The following ATXN1 variants were observed in gnomAD, a reference collection of about 807,000 sequenced individuals.
ATXN1 encodes the protein ataxin-1.
ATXN1 carries 8 observed loss-of-function variants against 56.4 expected under a neutral mutation model. The ratio of observed to expected loss-of-function variants is 0.14; its 90% CI spans 0.08 to 0.26. The LOEUF (loss-of-function observed/expected upper bound fraction) is 0.26, where lower values mean the gene tolerates loss of function less well. Ranked by LOEUF, ATXN1 falls within the 10% of genes least tolerant of loss-of-function variation. ATXN1 has a pLI of 1.00. For synonymous variants in ATXN1, 514 were observed against 494.6 expected, an observed-to-expected ratio of 1.04 and a Z score of -0.52; for missense variants, 987 against 1,106.5, an observed-to-expected ratio of 0.89 and a Z score of 1.53.
intron 6 of ATXN1, among the ~76,000 whole-genome samples, chr6:16,330,222 C>A (rs1030134026): frequency 2.4e-4 from 36 of 151,896 alleles, no homozygotes; most frequent in African/African-American, 8.5e-4. Flanking sequence ...AGCCAATGAT[C>A]CGATTTTAAA....
chr6:16,522,500 C>T (rs753772967), intron 5 of ATXN1, 127 bp downstream of exon 5: 6 of 152,020 alleles, frequency 3.9e-5, no homozygotes, highest in Non-Finnish European at 8.8e-5. Flanking sequence ...AGGAAAAATA[C>T]CTTGGTTCCA....
chr6:16,493,830 CTG>C (rs1248107567), intron 5 of ATXN1, among the ~76,000 whole-genome samples: 3 of 152,198 alleles, frequency 2.0e-5, no homozygotes, highest in African/African-American at 7.2e-5. Flanking sequence ...TCTAAGGAAA[CTG>C]TGCAGTCCCT....
In ATXN1 at chr6:16,327,660, C is replaced by CTGATGCTGA. The variant is rs1554138036; in HGVS notation, c.650_651insTCAGCATCA (p.Gln216_Gln217insHisGlnHis). The CTGATGCTGA allele has an allele frequency of 3.2e-6, 5 of 1,554,346 alleles. No homozygotes were observed. In the African/African-American group the frequency reaches 7.8e-5, roughly 24 times the overall value. ...GCTGCTGCTGCTGCTGCTGCTGCTG[C>CTGATGCTGA]TGCTGCTGCTGCTGCTGATGCTGAT... On this transcript the variant is annotated inframe_insertion, in exon 7 of 8. Coordinates refer to ENST00000436367, the MANE Select transcript of ATXN1 (RefSeq NM_001128164.2).
At chr6:16,684,973 C>T (rs1320216693) in intron 2 of ATXN1, among the ~76,000 whole-genome samples, 3 of 151,280 alleles carry the variant, frequency 2.0e-5, no homozygotes, top group Admixed American at 6.6e-5. Flanking sequence ...TTTAGGACAA[C>T]GAAAGAAATG....
chr6:16,471,710 T>A (rs989783218), intron 6 of ATXN1, among the ~76,000 whole-genome samples: 2 of 151,658 alleles, frequency 1.3e-5, no homozygotes, highest in Non-Finnish European at 2.9e-5. Flanking sequence ...TGTGTGTGTG[T>A]GAGACAGAAA....
intron 6 of ATXN1, among the ~76,000 whole-genome samples, chr6:16,450,307 C>G (rs1040080313): frequency 1.6e-5 from 2 of 122,188 alleles, no homozygotes; most frequent in Non-Finnish European, 3.6e-5. Flanking sequence ...TCTTCCTCTT[C>G]TTTTTCACAT....
At chr6:16,526,531 A>G (rs171053) in intron 4 of ATXN1, among the ~76,000 whole-genome samples, 62,389 of 151,884 alleles carry the variant, frequency 0.41, 13,303 homozygotes, top group African/African-American at 0.54. Context: ...TTGGGAGGCC[A>G]AGGCGGGTGG....
chr6:16,505,500 G>A (rs960600706), intron 5 of ATXN1, among the ~76,000 whole-genome samples: 7 of 152,132 alleles, frequency 4.6e-5, no homozygotes, highest in Non-Finnish European at 1.0e-4. Flanking sequence ...AAGGTTAAGT[G>A]CACTGGCAGC....
chr6:16,464,948 T>C (rs1388054144), intron 6 of ATXN1, among the ~76,000 whole-genome samples: 7 of 152,308 alleles, frequency 4.6e-5, no homozygotes, highest in African/African-American at 1.4e-4. Context: ...AGATGCAAGA[T>C]GTTAGCAGTA....
chr6:16,360,952 G>T (rs755050644), intron 6 of ATXN1, among the ~76,000 whole-genome samples: 15 of 152,184 alleles, frequency 9.9e-5, no homozygotes, highest in Admixed American at 4.6e-4. Context: ...CCTGAAACTA[G>T]CAAGTGAGAA....
chr6:16,691,839 A>C (rs546082314), intron 2 of ATXN1, among the ~76,000 whole-genome samples: 1 of 152,340 alleles, frequency 6.6e-6, no homozygotes, highest in African/African-American at 2.4e-5. Context: ...AGTATTAGGG[A>C]GTGGAGCCCT....
At chr6:16,348,231 A>G (rs974860564) in intron 6 of ATXN1, among the ~76,000 whole-genome samples, 1 of 152,126 alleles carries the variant, frequency 6.6e-6, no homozygotes, top group African/African-American at 2.4e-5. Flanking sequence ...ATCTAGCTAC[A>G]TTTTAAACTT....
At chr6:16,724,884 T>G (rs1185909119) in intron 2 of ATXN1, among the ~76,000 whole-genome samples, 1 of 152,156 alleles carries the variant, frequency 6.6e-6, no homozygotes, top group East Asian at 1.9e-4. Flanking sequence ...AGGTGGCACC[T>G]AGTCTTAGGG....
At chr6:16,562,372 C>CAA (rs34385461) in intron 4 of ATXN1, among the ~76,000 whole-genome samples, 2 of 68,804 alleles carry the variant, frequency 2.9e-5, no homozygotes, top group Non-Finnish European at 2.8e-5. Flanking sequence ...GATCTTGTCT[C>CAA]AAAAAAAAAA....
chr6:16,558,342 G>A (rs543955164), intron 4 of ATXN1, among the ~76,000 whole-genome samples: 14 of 147,562 alleles, frequency 9.5e-5, no homozygotes, highest in Admixed American at 5.4e-4. Context: ...TAAGTTTTAC[G>A]ATATATGAAT....
At chr6:16,503,787 T>A (rs1026983123) in intron 5 of ATXN1, among the ~76,000 whole-genome samples, 1 of 152,148 alleles carries the variant, frequency 6.6e-6, no homozygotes, top group Non-Finnish European at 1.5e-5. Flanking sequence ...AATATTTATG[T>A]AAATATACAT....
intron 4 of ATXN1, among the ~76,000 whole-genome samples, chr6:16,524,165 G>A (rs1761347286): frequency 6.6e-6 from 1 of 152,186 alleles, no homozygotes; most frequent in South Asian, 2.1e-4. Flanking sequence ...CCTGCAGGAA[G>A]ATTCCCAGAC....
intron 3 of ATXN1, among the ~76,000 whole-genome samples, chr6:16,653,438 C>T (rs764121874): frequency 1.4e-4 from 22 of 152,220 alleles, no homozygotes; most frequent in Non-Finnish European, 7.3e-5. Context: ...TGACAACCTG[C>T]GAGGCCTAAC....
chr6:16,372,506 A>C (rs968701240), intron 6 of ATXN1, among the ~76,000 whole-genome samples: 1 of 152,196 alleles, frequency 6.6e-6, no homozygotes, highest in Admixed American at 6.5e-5. Context: ...ATTTGGATAA[A>C]ATGGATTCCA....
Sources: allele counts gnomAD v4.1 joint callset (sites outside exome capture counted in the v4.1 genomes callset), GRCh38; gene constraint gnomAD v4.1.1; transcripts MANE v1.5; gene names NCBI Gene and HGNC (gene_info 2026-07-23, HGNC 2026-07-21).